The following MTBP variants were observed in gnomAD, a reference collection of about 807,000 sequenced individuals.
MTBP encodes mdm2-binding protein.
MTBP carries 101 observed loss-of-function variants against 117.0 expected under a neutral mutation model. That is an observed-to-expected ratio of 0.86 (90% CI 0.73 to 1.02). MTBP has a LOEUF of 1.02. MTBP is among the 50% of genes least tolerant of loss of function. The pLI is 0.00. For synonymous variants in MTBP, 350 were observed against 351.5 expected, an observed-to-expected ratio of 1.00 and a Z score of 0.05; for missense variants, 970 against 1,030.9, an observed-to-expected ratio of 0.94 and a Z score of 0.81.
rs186095350 is a variant in MTBP, at chr8:120,483,718, T to G, written c.1166-4441T>G. On this transcript the variant is annotated intron_variant, in intron 11 of 21. Transcript: ENST00000305949. ...ATGCAACTAATAGACACTTGGTAGT[T>G]TCTGCTTCTCCCATTTTATCTGTAT... Among the ~76,000 whole-genome samples the G allele has an allele frequency of 2.3e-3, 357 of 152,282 alleles. 4 individuals are homozygous for G. The highest frequency in any genetic ancestry group is 0.02 in the Middle Eastern group (6 of 294).
At chr8:120,483,627 T>A (rs1046556371) in intron 11 of MTBP, among the ~76,000 whole-genome samples, 9 of 152,070 alleles carry the variant, frequency 5.9e-5, no homozygotes, top group Non-Finnish European at 1.5e-5. Context: ...ATATAAGAAT[T>A]TTTTTTGCTA....
intron 9 of MTBP, among the ~76,000 whole-genome samples, chr8:120,462,179 A>T (rs530226065): frequency 6.6e-6 from 1 of 152,326 alleles, no homozygotes; most frequent in East Asian, 1.9e-4. Flanking sequence ...GAGGAATCAT[A>T]CAAGGATTAT....
chr8:120,460,076 G>T (rs1334425164), intron 8 of MTBP, among the ~76,000 whole-genome samples: 1 of 152,068 alleles, frequency 6.6e-6, no homozygotes, highest in African/African-American at 2.4e-5. Flanking sequence ...GTTAAAGGAT[G>T]TCAAATTGAT....
intron 13 of MTBP, among the ~76,000 whole-genome samples, chr8:120,494,917 C>G (rs1014285420): frequency 7.9e-5 from 12 of 152,126 alleles, no homozygotes; most frequent in Admixed American, 2.0e-4. Flanking sequence ...ATTGTGTATT[C>G]AAATACATCA....
intron 15 of MTBP, among the ~76,000 whole-genome samples, chr8:120,505,224 TTAA>T (rs1326839860): frequency 1.3e-5 from 2 of 152,114 alleles, no homozygotes; most frequent in African/African-American, 2.4e-5. Flanking sequence ...CTCACTTATA[TTAA>T]TGTTAGGAGA....
chr8:120,457,200 G>A (rs918570685), intron 7 of MTBP, among the ~76,000 whole-genome samples: 3 of 152,096 alleles, frequency 2.0e-5, no homozygotes, highest in Non-Finnish European at 4.4e-5. Flanking sequence ...AGATGAGAAT[G>A]TTGTATTAGG....
intron 2 of MTBP, among the ~76,000 whole-genome samples, chr8:120,448,121 A>G (rs1282405297): frequency 6.6e-6 from 1 of 152,046 alleles, no homozygotes; most frequent in Non-Finnish European, 1.5e-5. Flanking sequence ...TTGTAGAGAC[A>G]GGGTTTCATT....
intron 11 of MTBP, among the ~76,000 whole-genome samples, chr8:120,485,515 C>T (rs981355766): frequency 6.6e-6 from 1 of 152,112 alleles, no homozygotes; most frequent in African/African-American, 2.4e-5. Flanking sequence ...TTTGATGAGA[C>T]ATTGTCATCA....
At chr8:120,451,502 C>T (rs950093491) in intron 4 of MTBP, 180 bp downstream of exon 4, 4 of 531,316 alleles carry the variant, frequency 7.5e-6, no homozygotes, top group Non-Finnish European at 1.3e-5. Flanking sequence ...ATGCATGTTT[C>T]TTAAGCTTAC....
At chr8:120,491,099 CTT>C (rs1814336888) in intron 13 of MTBP, among the ~76,000 whole-genome samples, 1 of 151,878 alleles carries the variant, frequency 6.6e-6, no homozygotes, top group African/African-American at 2.4e-5. Flanking sequence ...CATTTTTTCT[CTT>C]TTACAGTTAA....
chr8:120,521,674 C>A (rs1239291512), intron 20 of MTBP, among the ~76,000 whole-genome samples: 4 of 152,198 alleles, frequency 2.6e-5, no homozygotes, highest in Non-Finnish European at 5.9e-5. Flanking sequence ...TTTTTAAATA[C>A]AATTCCATTT....
rs1341615141 is a variant in MTBP, at chr8:120,463,730, T to A, written c.1016T>A (p.Leu339Gln). The change falls in exon 10 of 22, where the codon CTG (leucine) becomes CAG (glutamine). Residue 339 changes from leucine to glutamine, a missense_variant. Transcript: ENST00000305949. ...AGTACCAAACAGAATTCTGTGTTGC[T>A]GTTGGAGCAGATTTCTTCTCTGTGT... The part of the protein sequence containing the change: ...TNSTKQNSVL[L>Q]LEQISSLCSK... 1 of 1,612,150 alleles carries A rather than the reference T, an allele frequency of 6.2e-7. No homozygotes were observed. The highest frequency in any genetic ancestry group is 1.7e-5 in the Admixed American group (1 of 59,988).
At chr8:120,488,085 G>A in intron 11 of MTBP, 74 bp from the exon 12 acceptor site, 1 of 1,233,190 alleles carries the variant, frequency 8.1e-7, no homozygotes, top group Non-Finnish European at 1.1e-6. Flanking sequence ...TATATCCTAT[G>A]GATCAAATGT....
intron 19 of MTBP, 131 bp downstream of exon 19, chr8:120,518,231 G>A (rs1279946866): frequency 5.0e-6 from 5 of 1,003,404 alleles, no homozygotes; most frequent in African/African-American, 3.3e-5. Context: ...GGTGTAAGAA[G>A]GATGATAGGA....
chr8:120,453,500 G>A (rs1427928718), intron 4 of MTBP, among the ~76,000 whole-genome samples: 1 of 151,984 alleles, frequency 6.6e-6, no homozygotes, highest in Non-Finnish European at 1.5e-5. Context: ...TCCAAAAAAA[G>A]TTTGGTCTGT....
At chr8:120,492,928 T>C (rs1185401034) in intron 13 of MTBP, among the ~76,000 whole-genome samples, 1 of 152,166 alleles carries the variant, frequency 6.6e-6, no homozygotes, top group Non-Finnish European at 1.5e-5. Context: ...AAATCTTGTT[T>C]CACTGATTTT....
At chr8:120,457,672 C>G (rs960069230) in intron 7 of MTBP, among the ~76,000 whole-genome samples, 2 of 152,138 alleles carry the variant, frequency 1.3e-5, no homozygotes, top group African/African-American at 4.8e-5. Context: ...CGCCTATAAT[C>G]TCAGCACTTT....
intron 12 of MTBP, 23 bp from the exon 13 acceptor site, chr8:120,490,440 C>T: frequency 1.5e-6 from 2 of 1,321,572 alleles, no homozygotes; most frequent in Non-Finnish European, 2.1e-6. Flanking sequence ...TAATGTTGAC[C>T]TTTTTTTTTT....
At position 120,506,731 on chromosome 8, in the gene MTBP, G is replaced by T. The variant is rs144606690; in HGVS notation, c.1753G>T (p.Glu585Ter). 1.2e-6 allele frequency: 2 copies of T among 1,610,382 alleles called. No homozygotes were observed. The highest frequency in any genetic ancestry group is 2.7e-5 in the African/African-American group (2 of 74,436). ...AACTGGTTCATTACCTCATTCATCT[G>T]AACAGTTGCTGGGCCACAAAGAGGG... ...MRTGSLPHSS[E>*]QLLGHKEGPR... The change falls in exon 16 of 22, where the codon GAA becomes TAA. Residue 585 changes from glutamate (E) to a stop codon, truncating the protein, a stop_gained. Coordinates refer to ENST00000305949, the MANE Select transcript of MTBP (RefSeq NM_022045.5). LOFTEE classifies it high-confidence loss of function.
Sources: allele counts gnomAD v4.1 joint callset (sites outside exome capture counted in the v4.1 genomes callset), GRCh38; gene constraint gnomAD v4.1.1; transcripts MANE v1.5; gene names NCBI Gene and HGNC (gene_info 2026-07-23, HGNC 2026-07-21).